The following ARID1B variants were observed in gnomAD, a reference collection of about 807,000 sequenced individuals.
ARID1B encodes the protein AT-rich interaction domain 1B.
Under a neutral mutation model 212.3 loss-of-function variants are expected in ARID1B, and 30 were observed. The observed-to-expected ratio is 0.14, with a 90% CI of 0.11 to 0.19. The LOEUF (loss-of-function observed/expected upper bound fraction) is 0.19, where lower values mean the gene tolerates loss of function less well. Ranked by LOEUF, ARID1B falls within the 10% of genes least tolerant of loss-of-function variation. The probability of loss-of-function intolerance (pLI) is 1.00; values close to 1 mark genes in which losing one functional copy is unlikely to be tolerated. For missense variants in ARID1B, 2,891 were observed against 3,204.0 expected (o/e 0.90, Z 2.36); for synonymous variants, 1,402 against 1,301.7 (o/e 1.08, Z -1.66).
intron 6 of ARID1B, among the ~76,000 whole-genome samples, chr6:157,123,675 A>C (rs1787934831): frequency 6.6e-6 from 1 of 152,196 alleles, no homozygotes; most frequent in African/African-American, 2.4e-5. Context: ...AAACCTGGCA[A>C]GAGAAATTAG....
rs770195764 is a variant in ARID1B, at chr6:157,208,864, C to CA, written c.*979dup. The CA allele has an allele frequency of 1.4e-5, 3 of 217,172 alleles. No individual in the cohort carries two copies. Among genetic ancestry groups the CA allele is most frequent in the Non-Finnish European group, 2.7e-5 (3 of 110,954 alleles). 13.5% of individuals were successfully genotyped at this position (217,172 alleles called of 1,614,324 possible). On this transcript the variant is annotated 3_prime_UTR_variant, in exon 20 of 20. Coordinates refer to ENST00000636930, the MANE Select transcript of ARID1B (RefSeq NM_001374828.1). ...TCTCCAAAAAAAGAAAGAAAAAATACAAAAAACAAAAACAAAAAAAAAAGA... is the reference window on the plus strand; with the variant it reads ...TCTCCAAAAAAAGAAAGAAAAAATACAAAAAAACAAAAACAAAAAAAAAAGA...
At chr6:157,132,385 A>G (rs1471315732) in intron 6 of ARID1B, among the ~76,000 whole-genome samples, 1 of 152,214 alleles carries the variant, frequency 6.6e-6, no homozygotes, top group East Asian at 1.9e-4. Flanking sequence ...AGAAAGTCAG[A>G]GGTTCTGCTG....
At chr6:156,800,594 A>T (rs1780707399) in intron 1 of ARID1B, among the ~76,000 whole-genome samples, 1 of 151,958 alleles carries the variant, frequency 6.6e-6, no homozygotes, top group Non-Finnish European at 1.5e-5. Flanking sequence ...ATCTCAAAAG[A>T]AAAAAAAGCA....
chr6:157,189,605 G>T (rs774552632), intron 13 of ARID1B, 37 bp from the exon 14 acceptor site: 2 of 1,573,644 alleles, frequency 1.3e-6, no homozygotes, highest in African/African-American at 2.7e-5. Context: ...ATAATCTCTG[G>T]ATTTCTTCCT....
chr6:156,895,735 TACACACACAC>T (rs79108130), intron 2 of ARID1B, among the ~76,000 whole-genome samples: 12 of 150,266 alleles, frequency 8.0e-5, no homozygotes, highest in African/African-American at 2.9e-4. Flanking sequence ...TACAGGTGTA[TACACACACAC>T]ACACACACAC....
Position 157,190,307 on chromosome 6 carries a change from G to A in ARID1B, c.4231+97G>A. The A allele has an allele frequency of 7.2e-7, 1 of 1,389,416 alleles. No homozygotes were observed. Among genetic ancestry groups the A allele is most frequent in the East Asian group, 2.4e-5 (1 of 42,182 alleles). 86.1% of individuals were successfully genotyped at this position (1,389,416 alleles called of 1,614,324 possible). ...CACCTTTCACTCAGAACACCTCTGA[G>A]CCCATGCTGCATCGGTGTGGGTCCC... On this transcript the variant is annotated intron_variant, in intron 15 of 19. Coordinates refer to ENST00000636930, the MANE Select transcript of ARID1B (RefSeq NM_001374828.1). The surrounding 1 kb of genome is among the most constrained non-coding windows in gnomAD (Gnocchi z 4.6).
intron 1 of ARID1B, among the ~76,000 whole-genome samples, chr6:156,783,316 G>A (rs1264156185): frequency 2.7e-5 from 4 of 150,582 alleles, no homozygotes; most frequent in African/African-American, 7.3e-5. Flanking sequence ...AGAAAATAAC[G>A]TCTTTATTCT....
Position 156,955,131 on chromosome 6 carries a change from G to A in ARID1B, c.2247+19555G>A, listed in dbSNP as rs752887638. Among the ~76,000 whole-genome samples the A allele has an allele frequency of 6.6e-6, 1 of 152,356 alleles. No homozygotes were observed. The highest frequency in any genetic ancestry group is 1.5e-5 in the Non-Finnish European group (1 of 68,032). ...TGCTCATCGACCCTTCCTGGCTGCT[G>A]TTGGACTGGGTCGGGGCTGTTGTTC... On this transcript the variant is annotated intron_variant, in intron 4 of 19. Transcript: ENST00000636930. The surrounding 1 kb of genome is among the most constrained non-coding windows in gnomAD (Gnocchi z 4.2).
At chr6:156,793,107 C>T (rs895093564) in intron 1 of ARID1B, among the ~76,000 whole-genome samples, 1 of 152,168 alleles carries the variant, frequency 6.6e-6, no homozygotes, top group African/African-American at 2.4e-5. Flanking sequence ...CAGCAGCCAG[C>T]ACAGCCCTAA....
At chr6:156,868,133 C>G (rs188571199) in intron 2 of ARID1B, among the ~76,000 whole-genome samples, 2 of 151,916 alleles carry the variant, frequency 1.3e-5, no homozygotes, top group Non-Finnish European at 2.9e-5. Flanking sequence ...ACGTCTGATT[C>G]ATTATTTTGG....
At chr6:157,142,435 G>A (rs772671756) in intron 7 of ARID1B, among the ~76,000 whole-genome samples, 14 of 152,040 alleles carry the variant, frequency 9.2e-5, no homozygotes, top group South Asian at 2.1e-4. Flanking sequence ...AGACTAGCCC[G>A]GGCAACATGA....
chr6:156,810,160 C>T (rs923989349), intron 1 of ARID1B, among the ~76,000 whole-genome samples: 1 of 152,176 alleles, frequency 6.6e-6, no homozygotes, highest in Non-Finnish European at 1.5e-5. Context: ...GTTTAAACTA[C>T]TTATTTTCAG....
At chr6:157,162,138 A>C (rs535779848) in intron 8 of ARID1B, among the ~76,000 whole-genome samples, 1 of 152,366 alleles carries the variant, frequency 6.6e-6, no homozygotes, top group South Asian at 2.1e-4. Context: ...ACCGTCTGTC[A>C]CTGTTGAGAA....
intron 7 of ARID1B, among the ~76,000 whole-genome samples, chr6:157,147,213 GCCC>G (rs2128627626): frequency 2.3e-5 from 1 of 43,300 alleles, no homozygotes; most frequent in Admixed American, 2.9e-4. Flanking sequence ...CTCCGGCCCT[GCCC>G]TCCGTCCCTC....
chr6:156,969,810 A>G (rs1776793388), intron 4 of ARID1B, among the ~76,000 whole-genome samples: 1 of 152,172 alleles, frequency 6.6e-6, no homozygotes, highest in Non-Finnish European at 1.5e-5. Context: ...TTTTCTAAAG[A>G]GAAGACACTG....
At chr6:157,180,630 C>G (rs1404625177) in intron 11 of ARID1B, among the ~76,000 whole-genome samples, 1 of 152,010 alleles carries the variant, frequency 6.6e-6, no homozygotes, top group Non-Finnish European at 1.5e-5. Flanking sequence ...GAGCTAGAAC[C>G]CTTTTATTTT....
intron 6 of ARID1B, among the ~76,000 whole-genome samples, chr6:157,114,466 G>A (rs1285162087): frequency 7.0e-6 from 1 of 142,706 alleles, no homozygotes; most frequent in South Asian, 2.2e-4. Context: ...GGACGTTGCC[G>A]TGAGCTGAGA....
chr6:156,776,825 G>C (rs903394906), upstream of ARID1B: 1 of 152,196 alleles, frequency 6.6e-6, no homozygotes, highest in Non-Finnish European at 1.5e-5. Context: ...CTCTGACCGG[G>C]GCTAACCTTC....
intron 8 of ARID1B, among the ~76,000 whole-genome samples, chr6:157,155,748 A>T (rs574703154): frequency 4.3e-4 from 65 of 152,302 alleles, no homozygotes; most frequent in African/African-American, 1.5e-3. Flanking sequence ...GATCAGTGGT[A>T]ACCCCACCGT....
Sources: allele counts gnomAD v4.1 joint callset (sites outside exome capture counted in the v4.1 genomes callset), GRCh38; gene constraint gnomAD v4.1.1; non-coding constraint Gnocchi (gnomAD v3.1); transcripts MANE v1.5; gene names NCBI Gene and HGNC (gene_info 2026-07-23, HGNC 2026-07-21).